E2F7: variants seen among roughly 807,000 people sequenced by gnomAD.
E2F7 encodes transcription factor E2F7.
A neutral mutation model predicts 81.1 loss-of-function variants in E2F7; 35 were observed. That is an observed-to-expected ratio of 0.43 (90% CI 0.33 to 0.57). E2F7 has a LOEUF of 0.57. Among genes scored for constraint, E2F7 ranks in the 20% least tolerant of loss-of-function variants. The pLI is 0.04. For missense variants in E2F7, 961 were observed against 1,093.7 expected (o/e 0.88, Z 1.71); for synonymous variants, 416 against 416.2 (o/e 1.00, Z 0.01).
chr12:77,063,324 A>G (rs1428165083), intron 2 of E2F7, among the ~76,000 whole-genome samples: 1 of 152,220 alleles, frequency 6.6e-6, no homozygotes, highest in African/African-American at 2.4e-5. Context: ...TCGTACGCCA[A>G]GGTTGCTAAG....
intron 1 of E2F7, among the ~76,000 whole-genome samples, chr12:77,064,990 A>G (rs1166920173): frequency 6.6e-6 from 1 of 152,212 alleles, no homozygotes; most frequent in African/African-American, 2.4e-5. Context: ...TTTGGCGCAA[A>G]GAACTGAGAG....
In E2F7 at chr12:77,050,693, T is replaced by C; in HGVS notation, c.421A>G (p.Ser141Gly). Residue 141 changes from serine (S) to glycine (G), a missense_variant, in exon 4 of 13, where the codon AGC becomes GGC. Around this residue, in one of 3 missense-constraint regions of E2F7, gnomAD observed 301 missense variants for 405.0 expected, o/e 0.74. Coordinates refer to ENST00000322886, the MANE Select transcript of E2F7 (RefSeq NM_203394.3). ...AGTCCTAAACTTTTCTGTTTTCTGC[T>C]TGGCCTTTGCTTTTCAAATTCGTCC... ...AVDEFEKQRP[S>G]RKQKSLGLLC... 1 of 1,614,020 alleles carries C rather than the reference T, an allele frequency of 6.2e-7. No individual in the cohort carries two copies. Among genetic ancestry groups the C allele is most frequent in the Non-Finnish European group, 8.5e-7 (1 of 1,179,954 alleles).
chr12:77,024,180 T>TG lies in E2F7; in HGVS notation c.2570dup (p.Val858SerfsTer14). The TG allele has an allele frequency of 6.2e-7, 1 of 1,610,532 alleles. No individual in the cohort carries two copies. On this transcript the variant is annotated frameshift_variant, in exon 13 of 13. Transcript: ENST00000322886. LOFTEE classifies it low-confidence loss of function (END_TRUNC). Reference sequence around the variant, plus strand: ...GGATGCTCTTGGGGGTCACTGGAACTGGTGACTGAAAAAAGAAAAAAGAAA... The same window carrying TG: ...GGATGCTCTTGGGGGTCACTGGAACTGGGTGACTGAAAAAAGAAAAAAGAAA...
intron 12 of E2F7, among the ~76,000 whole-genome samples, chr12:77,025,019 G>A (rs192440857): frequency 2.7e-5 from 4 of 147,216 alleles, no homozygotes; most frequent in African/African-American, 1.1e-4. Flanking sequence ...ATATTTGTAT[G>A]TTTTCTGCGT....
Position 77,064,643 on chromosome 12 carries a change from GCACAATTA to G in E2F7, c.1-16_1-9del. 6.2e-7 allele frequency: 1 copy of G among 1,607,924 alleles called. No homozygotes were observed. Among genetic ancestry groups the G allele is most frequent in the Non-Finnish European group, 8.5e-7 (1 of 1,175,484 alleles). ...TAAACAATTTACCTCCATCTGTAAT[GCACAATTA>G]CACTAGAAAATGATTTTGCAATTAG... On this transcript the variant is annotated splice_polypyrimidine_tract_variant and intron_variant, in intron 1 of 12. Transcript: ENST00000322886.
At chr12:77,058,725 T>C (rs188973515) in intron 2 of E2F7, among the ~76,000 whole-genome samples, 30 of 152,364 alleles carry the variant, frequency 2.0e-4, no homozygotes, top group African/African-American at 7.0e-4. Flanking sequence ...GATTAGTTCC[T>C]GGCATATAGT....
chr12:77,052,875 G>A (rs113832916), intron 3 of E2F7, among the ~76,000 whole-genome samples: 2,570 of 151,820 alleles, frequency 0.017, 61 homozygotes, highest in African/African-American at 0.057. Flanking sequence ...ATTTCACAGA[G>A]GAGCAAAAAA....
chr12:77,055,945 A>T lies in E2F7; in HGVS notation c.279T>A (p.Ala93=). The T allele has an allele frequency of 6.2e-7, 1 of 1,614,128 alleles. No homozygotes were observed. Among genetic ancestry groups the T allele is most frequent in the African/African-American group, 1.3e-5 (1 of 75,024 alleles). Residue 93 remains alanine (A), a synonymous_variant, in exon 3 of 13, where the codon GCT becomes GCA. Transcript: ENST00000322886. ...CCCGGTCCCTTATATCTGGGCTGGC[A>T]GCACTAATGAGCATCTTCAGGTTAG... The part of the protein sequence containing the change: ...PTANLKMLIS[A]ASPDIRDREK...
In E2F7 at chr12:77,023,065, A is replaced by G. The variant is rs1441718617; in HGVS notation, c.*950T>C. ...GGTCTCATCCAGGTTCCAATTTTCC[A>G]TATAATCACTTTCTACCATCCTGAT... is the stretch of plus-strand genomic sequence containing the variant. On this transcript the variant is annotated 3_prime_UTR_variant, in exon 13 of 13. Transcript: ENST00000322886. The G allele has an allele frequency of 6.6e-6, 1 of 152,250 alleles. No homozygotes were observed. Among genetic ancestry groups the G allele is most frequent in the African/African-American group, 2.4e-5 (1 of 41,472 alleles). The allele number at this position is 152,250 out of a possible 1,614,324, so 9.4% of individuals were successfully genotyped here. A position where few individuals can be genotyped will look rare whatever the true frequency, so the allele number is the denominator to read the frequency against.
intron 2 of E2F7, 73 bp from the exon 3 acceptor site, chr12:77,056,203 C>G: frequency 7.0e-7 from 1 of 1,420,572 alleles, no homozygotes; most frequent in Middle Eastern, 2.6e-4. Context: ...TTTGTTCCCA[C>G]CATTCACTAA....
chr12:77,024,215 T>G, intron 12 of E2F7, 30 bp from the exon 13 acceptor site: 1 of 1,602,824 alleles, frequency 6.2e-7, no homozygotes, highest in Non-Finnish European at 8.5e-7. Context: ...AAAACAGAAG[T>G]GAAGTCATAT....
rs76746643 is a variant in E2F7, at chr12:77,042,882, G to A, written c.1123+183C>T. On this transcript the variant is annotated intron_variant, in intron 7 of 12. Transcript: ENST00000322886. ...CTCAGTATTTCCTTTCCTACCATGTGTGGGCAAACCAGCATGCACAATTTG... is the reference window on the plus strand; with the variant it reads ...CTCAGTATTTCCTTTCCTACCATGTATGGGCAAACCAGCATGCACAATTTG... 4.0e-3 allele frequency among the ~76,000 whole-genome samples: 613 copies of A among 152,244 alleles called. 6 individuals are homozygous for A. Among genetic ancestry groups the A allele is most frequent in the African/African-American group, 0.014 (597 of 41,546 alleles).
Position 77,025,646 on chromosome 12 carries a change from G to C in E2F7, c.2477C>G (p.Pro826Arg). The stretch of plus-strand genomic sequence containing the variant: ...GACACTGTGTGACCTTGACATCACT[G>C]GACTTAGGTTTAGTGAGGGCTGACT... ...LQSQPSLNLS[P>R]VMSRSHSVVQ... The change falls in exon 12 of 13, where the codon CCA becomes CGA. Residue 826 changes from proline (P) to arginine (R), a missense_variant. Around this residue, in one of 3 missense-constraint regions of E2F7, gnomAD observed 587 missense variants for 620.3 expected, o/e 0.95. Transcript: ENST00000322886. 1.2e-6 allele frequency: 2 copies of C among 1,614,192 alleles called. No individual in the cohort carries two copies. Among genetic ancestry groups the C allele is most frequent in the Admixed American group, 3.3e-5 (2 of 60,020 alleles).
intron 3 of E2F7, among the ~76,000 whole-genome samples, chr12:77,054,220 C>T (rs1198069055): frequency 6.6e-6 from 1 of 151,264 alleles, no homozygotes; most frequent in Non-Finnish European, 1.5e-5. Context: ...ACCCACTGAA[C>T]TTAAAAGTTA....
chr12:77,034,840 G>A (rs1243277196), intron 7 of E2F7, among the ~76,000 whole-genome samples: 1 of 152,174 alleles, frequency 6.6e-6, no homozygotes, highest in East Asian at 1.9e-4. Context: ...TCTAAAACAT[G>A]CGCTTTCACA....
intron 11 of E2F7, among the ~76,000 whole-genome samples, chr12:77,027,131 A>C (rs929600265): frequency 7.9e-5 from 12 of 152,262 alleles, no homozygotes; most frequent in African/African-American, 2.9e-4. Context: ...GAATAATCAT[A>C]AATACTAACC....
chr12:77,050,845 TCCATA>T, intron 3 of E2F7, 101 bp from the exon 4 acceptor site: 1 of 1,116,992 alleles, frequency 9.0e-7, no homozygotes, highest in Non-Finnish European at 1.3e-6. Flanking sequence ...GACATCTCAA[TCCATA>T]CCATCCTAGA....
rs1371964307 is a variant in E2F7, at chr12:77,028,149, C to T, written c.1885-11G>A. On this transcript the variant is annotated splice_polypyrimidine_tract_variant and intron_variant, in intron 10 of 12. Transcript: ENST00000322886. ...GGAATCTGAGGGTTTCTAAACACAA[C>T]CAAACCAGGAAGCAAGAAAGTAAGT... is the stretch of plus-strand genomic sequence containing the variant. 1.1e-5 allele frequency: 18 copies of T among 1,596,908 alleles called. No individual in the cohort carries two copies. The highest frequency in any genetic ancestry group is 1.8e-5 in the Admixed American group (1 of 56,278).
chr12:77,026,137 C>CCTG (rs1474602501), intron 11 of E2F7, among the ~76,000 whole-genome samples, 155 bp from the exon 12 acceptor site: 2 of 152,130 alleles, frequency 1.3e-5, no homozygotes, highest in Non-Finnish European at 2.9e-5. Context: ...CAGCCCACAC[C>CCTG]CTGCTCCTTC....
Sources: allele counts gnomAD v4.1 joint callset (sites outside exome capture counted in the v4.1 genomes callset), GRCh38; gene constraint gnomAD v4.1.1; regional missense constraint gnomAD v4.1.1; transcripts MANE v1.5; gene names NCBI Gene and HGNC (gene_info 2026-07-23, HGNC 2026-07-21).